RP1L1: variants seen among roughly 807,000 people sequenced by gnomAD.
RP1L1 encodes retinitis pigmentosa 1-like 1 protein.
A neutral mutation model predicts 15.7 loss-of-function variants in RP1L1; 27 were observed. The observed-to-expected ratio is 1.72, with a 90% CI of 1.27 to 2.38. The LOEUF (loss-of-function observed/expected upper bound fraction) is 2.38. Among genes scored for constraint, RP1L1 ranks in the 30% most tolerant of loss-of-function variants. The probability of loss-of-function intolerance (pLI) is 0.00; values close to 1 mark genes in which losing one functional copy is unlikely to be tolerated. For missense variants in RP1L1, 4,798 were observed against 3,075.9 expected (o/e 1.56, Z -13.24); for synonymous variants, 1,813 against 1,276.7 (o/e 1.42, Z -8.96).
Position 10,641,026 on chromosome 8 carries a change from C to A in RP1L1, c.-20+13872G>T, listed in dbSNP as rs539173722. ...GTTCAAGCAATCCTCTCGCCTCAGC[C>A]TCCCAAGTAGCTGGGACTACAGGCA... On this transcript the variant is annotated intron_variant, in intron 1 of 3. Coordinates refer to ENST00000382483, the MANE Select transcript of RP1L1 (RefSeq NM_178857.6). 1.1e-4 allele frequency among the ~76,000 whole-genome samples: 16 copies of A among 152,340 alleles called. No individual in the cohort carries two copies. In the South Asian group the frequency reaches 3.1e-3, roughly 30 times the overall value.
intron 3 of RP1L1, among the ~76,000 whole-genome samples, chr8:10,615,006 G>T (rs57518522): frequency 9.0e-4 from 137 of 152,366 alleles, no homozygotes; most frequent in African/African-American, 3.2e-3. Context: ...CTGAGCATAT[G>T]GCCAGCAAAA....
chr8:10,617,650 G>A (rs1295695219), intron 2 of RP1L1, among the ~76,000 whole-genome samples: 9 of 146,968 alleles, frequency 6.1e-5, no homozygotes, highest in African/African-American at 2.0e-4. Flanking sequence ...TCTGCCTCCC[G>A]GGTTCATGCC....
intron 1 of RP1L1, among the ~76,000 whole-genome samples, chr8:10,653,605 G>A (rs1472861369): frequency 2.6e-5 from 4 of 151,276 alleles, no homozygotes; most frequent in South Asian, 2.1e-4. Context: ...TCACATGTGC[G>A]CACACGCACC....
intron 1 of RP1L1, among the ~76,000 whole-genome samples, chr8:10,628,307 G>A (rs1353466397): frequency 2.6e-5 from 4 of 152,244 alleles, no homozygotes; most frequent in South Asian, 4.1e-4. Context: ...TACCAAAGGC[G>A]TTCATTCTTA....
At chr8:10,641,027 TCCCAA>T (rs1030373645) in intron 1 of RP1L1, among the ~76,000 whole-genome samples, 8 of 152,192 alleles carry the variant, frequency 5.3e-5, no homozygotes, top group African/African-American at 1.9e-4. Context: ...CGCCTCAGCC[TCCCAA>T]GTAGCTGGGA....
chr8:10,623,078 C>G lies in RP1L1; in HGVS notation c.124G>C (p.Gly42Arg). ...PAKKITFLKR[G>R]DPRFAGVRLA... ...CGGACCCCAGCAAACCGTGGATCCC[C>G]TCGCTTGAGGAAGGTGATCTTCTTG... The change falls in exon 2 of 4, where the codon GGG becomes CGG. Residue 42 changes from glycine to arginine, a missense_variant. Gly to Arg is a moderately radical substitution (Grantham distance 125). Coordinates refer to ENST00000382483, the MANE Select transcript of RP1L1 (RefSeq NM_178857.6). 9 of 1,614,050 alleles carry G rather than the reference C, an allele frequency of 5.6e-6. No individual in the cohort carries two copies. The highest frequency in any genetic ancestry group is 7.6e-6 in the Non-Finnish European group (9 of 1,180,020).
chr8:10,636,487 C>T (rs545593527), intron 1 of RP1L1, among the ~76,000 whole-genome samples: 3 of 152,294 alleles, frequency 2.0e-5, no homozygotes, highest in Admixed American at 6.5e-5. Flanking sequence ...GACTGAGCCT[C>T]GCCTGTGCAG....
rs200963001 is a variant in RP1L1 at position 10,612,037 on chromosome 8, C to T, written c.2061G>A (p.Pro687=). The change falls in exon 4 of 4, where the codon CCG becomes CCA. Residue 687 remains proline, a synonymous_variant. Transcript: ENST00000382483. ...AGGCCCTTCGCCGCTCAGGAGGCCT[C>T]GGCACTTGCTTGGTTACAGAGGAGT... is the stretch of plus-strand genomic sequence containing the variant. ...PLDSSVTKQV[P]RPPERRRACQ... is the part of the protein sequence containing the mutation. 41 of 1,613,756 alleles carry T rather than the reference C, an allele frequency of 2.5e-5. No homozygotes were observed. The Admixed American group carries it at 4.8e-4, about 19-fold the overall frequency.
chr8:10,630,629 T>G (rs771250569), intron 1 of RP1L1, among the ~76,000 whole-genome samples: 1 of 152,222 alleles, frequency 6.6e-6, no homozygotes, highest in Non-Finnish European at 1.5e-5. Flanking sequence ...GGCAGCCTCC[T>G]GCCTGGGCTC....
In RP1L1 at chr8:10,622,825, G is replaced by T. The variant is rs1260749096; in HGVS notation, c.377C>A (p.Ala126Asp). ...PGRPQERNPT[A>D]QQLRDVEGQR... is the part of the protein sequence containing the mutation. ...GCCTTCGACATCCCGCAACTGCTGA[G>T]CAGTGGGGTTTCTCTCCTGTGGCCG... Residue 126 changes from alanine to aspartate, a missense_variant, in exon 2 of 4, where the codon GCT becomes GAT. Ala to Asp is a moderately radical substitution (Grantham distance 126, BLOSUM62 -2). Coordinates refer to ENST00000382483, the MANE Select transcript of RP1L1 (RefSeq NM_178857.6). The T allele has an allele frequency of 3.0e-5, 49 of 1,613,460 alleles. No homozygotes were observed. Among genetic ancestry groups the T allele is most frequent in the Non-Finnish European group, 4.0e-5 (47 of 1,179,658 alleles).
rs1797820029 is a variant in RP1L1 at position 10,610,301 on chromosome 8, G to C, written c.3797C>G (p.Ala1266Gly). Residue 1266 changes from alanine to glycine, a missense_variant, in exon 4 of 4, where the codon GCC becomes GGC. By Grantham distance (60) the Ala-to-Gly change is moderately conservative. Transcript: ENST00000382483. ...CCFPTFLNAR[A>G]CACATNEDEA... ...ATCCTCATTGGTGGCACAAGCGCAG[G>C]CTCGGGCGTTCAAGAAGGTTGGGAA... The C allele has an allele frequency of 1.9e-6, 3 of 1,614,184 alleles. No homozygotes were observed. The highest frequency in any genetic ancestry group is 2.5e-6 in the Non-Finnish European group (3 of 1,180,032).
At chr8:10,631,617 G>A (rs1798253733) in intron 1 of RP1L1, among the ~76,000 whole-genome samples, 1 of 152,288 alleles carries the variant, frequency 6.6e-6, no homozygotes, top group African/African-American at 2.4e-5. Flanking sequence ...CCGAGGCTTG[G>A]CAAAGTTCCA....
rs2117204189 is a variant in RP1L1, at chr8:10,612,120, C to A, written c.1978G>T (p.Ala660Ser). 2.5e-6 allele frequency: 4 copies of A among 1,613,714 alleles called. No homozygotes were observed. In the South Asian group the frequency reaches 3.3e-5, roughly 13 times the overall value. Reference protein sequence around the residue: ...SPSSPGLGRVAPRGHPRHSHY... With the variant: ...SPSSPGLGRVSPRGHPRHSHY... ...GAATGCCTGGGATGGCCTCTCGGGG[C>A]CACTCGGCCAAGGCCAGGGCTGCTG... Residue 660 changes from alanine to serine, a missense_variant, in exon 4 of 4, where the codon GCC (alanine) becomes TCC (serine). Transcript: ENST00000382483.
At position 10,623,092 on chromosome 8, in the gene RP1L1, G is replaced by C. The variant is rs754231116; in HGVS notation, c.110C>G (p.Thr37Ser). The C allele has an allele frequency of 6.2e-7, 1 of 1,613,982 alleles. No homozygotes were observed. The highest frequency in any genetic ancestry group is 1.1e-5 in the South Asian group (1 of 91,064). ...CCGTGGATCCCCTCGCTTGAGGAAG[G>C]TGATCTTCTTGGCTGGCGTGACCTT... ...VTKVTPAKKI[T>S]FLKRGDPRFA... The change falls in exon 2 of 4, where the codon ACC becomes AGC. Residue 37 changes from threonine (T) to serine (S), a missense_variant. Transcript: ENST00000382483.
intron 1 of RP1L1, among the ~76,000 whole-genome samples, chr8:10,631,307 A>ACACACATG (rs1798241311): frequency 1.1e-5 from 1 of 91,920 alleles, no homozygotes; most frequent in Non-Finnish European, 2.6e-5. Flanking sequence ...ACACGCATGC[A>ACACACATG]CACACACGCA....
At chr8:10,635,385 T>G (rs1019557459) in intron 1 of RP1L1, among the ~76,000 whole-genome samples, 1 of 152,216 alleles carries the variant, frequency 6.6e-6, no homozygotes, top group Admixed American at 6.5e-5. Flanking sequence ...GCCGGGTTAT[T>G]CCCAGCGCAC....
chr8:10,610,848 G>A lies in RP1L1; in HGVS notation c.3250C>T (p.Gln1084Ter). ...ALPGRVSAST[Q>*]IMRALMGSKQ... The stretch of plus-strand genomic sequence containing the variant: ...GAGCCCATCAGCGCCCTCATGATCT[G>A]CGTGGAGGCAGACACCCGGCCAGGA... Residue 1084 changes from glutamine (Q) to a stop codon, truncating the protein, a stop_gained, in exon 4 of 4, where the codon CAG (glutamine) becomes TAG (stop). Transcript: ENST00000382483. LOFTEE classifies it low-confidence loss of function (END_TRUNC). The A allele has an allele frequency of 1.9e-6, 3 of 1,608,444 alleles. No individual in the cohort carries two copies. The highest frequency in any genetic ancestry group is 1.7e-6 in the Non-Finnish European group (2 of 1,176,990).
chr8:10,647,539 C>G (rs923964858), intron 1 of RP1L1, among the ~76,000 whole-genome samples: 2 of 152,196 alleles, frequency 1.3e-5, no homozygotes, highest in African/African-American at 4.8e-5. Flanking sequence ...TGCTTTCCGT[C>G]TCTATAAATC....
At chr8:10,637,254 C>T (rs1316521842) in intron 1 of RP1L1, among the ~76,000 whole-genome samples, 2 of 152,170 alleles carry the variant, frequency 1.3e-5, no homozygotes, top group East Asian at 3.9e-4. Context: ...CAGGCTTGGC[C>T]GCGGAATGCG....
Sources: gnomAD v4.1 joint callset for allele counts (sites outside exome capture counted in the v4.1 genomes callset) on GRCh38, gnomAD v4.1.1 for gene constraint, MANE v1.5 for transcripts, NCBI Gene and HGNC (gene_info 2026-07-23, HGNC 2026-07-21) for gene names.